The following TMEM50A variants were observed in gnomAD, a reference collection of about 807,000 sequenced individuals.
The protein encoded by TMEM50A is cervical cancer oncogene 9.
In TMEM50A, 8 loss-of-function variants were observed where a neutral mutation model predicts 23.9. The ratio of observed to expected loss-of-function variants is 0.33; its 90% CI spans 0.20 to 0.60. The LOEUF (loss-of-function observed/expected upper bound fraction) is 0.60, where lower values mean the gene tolerates loss of function less well. Ranked by LOEUF, TMEM50A falls within the 20% of genes least tolerant of loss-of-function variation. The pLI is 0.81. For missense variants in TMEM50A, 178 were observed against 192.7 expected, an observed-to-expected ratio of 0.92 and a Z score of 0.45; for synonymous variants, 55 against 60.4, an observed-to-expected ratio of 0.91 and a Z score of 0.41.
At chr1:25,360,043 G>C (rs934345818) in intron 6 of TMEM50A, among the ~76,000 whole-genome samples, 52 of 152,228 alleles carry the variant, frequency 3.4e-4, no homozygotes, top group African/African-American at 1.2e-3. Flanking sequence ...TTTGTTGAAT[G>C]AATTTGATAA....
intron 6 of TMEM50A, among the ~76,000 whole-genome samples, chr1:25,358,428 C>A (rs902338951): frequency 2.0e-5 from 3 of 152,300 alleles, no homozygotes; most frequent in African/African-American, 7.2e-5. Context: ...TATTACAGGA[C>A]CTTTCCTTCC....
Position 25,338,372 on chromosome 1 carries a change from G to C in TMEM50A, c.-98G>C, listed in dbSNP as rs917288092. 3 of 153,082 alleles carry C rather than the reference G, an allele frequency of 2.0e-5. No homozygotes were observed. Among genetic ancestry groups the C allele is most frequent in the South Asian group, 4.1e-4 (2 of 4,846 alleles). 9.5% of individuals were successfully genotyped at this position (153,082 alleles called of 1,614,324 possible). ...GGTGTCTGGAGGCTGTGGCCGTTTT[G>C]TTTTCTTGGCTAAAATCGGGGGAGT... On this transcript the variant is annotated 5_prime_UTR_variant, in exon 1 of 7. Transcript: ENST00000374358.
chr1:25,356,867 G>GGCAGTGAACA lies in TMEM50A; in HGVS notation c.428+14_428+15insGCAGTGAACA. 1 of 1,569,626 alleles carries GGCAGTGAACA rather than the reference G, an allele frequency of 6.4e-7. No individual in the cohort carries two copies. On this transcript the variant is annotated intron_variant, in intron 6 of 6. Transcript: ENST00000374358. ...CATCTTTTTTGGGTAAGTTTGTTTT[G>GGCAGTGAACA]CATTCTTTATGTTTGTTTGTTTTTT... is the stretch of plus-strand genomic sequence containing the variant.
Position 25,351,641 on chromosome 1 carries a change from G to C in TMEM50A, c.222G>C (p.Ser74=). The C allele has an allele frequency of 6.2e-7, 1 of 1,612,618 alleles. No homozygotes were observed. Among genetic ancestry groups the C allele is most frequent in the Non-Finnish European group, 8.5e-7 (1 of 1,179,638 alleles). Residue 74 remains serine (S), a synonymous_variant, in exon 4 of 7, where the codon TCG becomes TCC. Coordinates refer to ENST00000374358, the MANE Select transcript of TMEM50A (RefSeq NM_014313.4). ...TIAFLMINAV[S]NGQVRGDSYS... ...ATTCATACAGGATTAATGCAGTATC[G>C]AATGGACAAGTCCGAGGTGATAGTT...
intron 5 of TMEM50A, among the ~76,000 whole-genome samples, chr1:25,354,709 GTTA>G (rs1451774401): frequency 6.6e-6 from 1 of 152,112 alleles, no homozygotes; most frequent in East Asian, 1.9e-4. Context: ...TATGTTTTTA[GTTA>G]TTATCATAAT....
chr1:25,354,835 G>A (rs530724349), intron 5 of TMEM50A, among the ~76,000 whole-genome samples: 1 of 152,056 alleles, frequency 6.6e-6, no homozygotes, highest in East Asian at 2.0e-4. Flanking sequence ...GCAGTGATGC[G>A]ATCTCAGCTC....
chr1:25,341,457 G>A (rs991831796), intron 2 of TMEM50A, among the ~76,000 whole-genome samples: 8 of 151,954 alleles, frequency 5.3e-5, no homozygotes, highest in African/African-American at 1.7e-4. Flanking sequence ...ACGGGGTTTC[G>A]CCGTGGTCTC....
At chr1:25,351,528 C>T in intron 3 of TMEM50A, 98 bp from the exon 4 acceptor site, 2 of 935,214 alleles carry the variant, frequency 2.1e-6, no homozygotes, top group Non-Finnish European at 1.5e-6. Flanking sequence ...AAAAAAAAGA[C>T]TTTCAGGCCT....
intron 6 of TMEM50A, among the ~76,000 whole-genome samples, chr1:25,359,128 A>G (rs1404052173): frequency 1.3e-5 from 2 of 152,268 alleles, no homozygotes; most frequent in South Asian, 2.1e-4. Flanking sequence ...AGGCATCCCC[A>G]TAGAGCATGC....
At chr1:25,355,934 C>T (rs968037838) in intron 5 of TMEM50A, among the ~76,000 whole-genome samples, 3 of 152,192 alleles carry the variant, frequency 2.0e-5, no homozygotes, top group African/African-American at 7.2e-5. Context: ...TGTCTTCCTC[C>T]CACGCCCCAT....
chr1:25,343,133 A>G (rs1455518379), intron 3 of TMEM50A, 60 bp downstream of exon 3: 1 of 1,308,946 alleles, frequency 7.6e-7, no homozygotes, highest in African/African-American at 1.5e-5. Flanking sequence ...AAATGTTTCA[A>G]ATATAGTTGC....
chr1:25,361,373 G>C lies in TMEM50A; in HGVS notation c.*668G>C, dbSNP rs1483627113. 1.3e-5 allele frequency: 2 copies of C among 152,272 alleles called. No individual in the cohort carries two copies. Among genetic ancestry groups the C allele is most frequent in the Non-Finnish European group, 2.9e-5 (2 of 68,136 alleles). 9.4% of individuals were successfully genotyped at this position (152,272 alleles called of 1,614,324 possible). ...AAGATGTGACTCAGCCATGACACGTGGTTCTGGTGGGATGCACAGTCACTC... is the reference window on the plus strand; with the variant it reads ...AAGATGTGACTCAGCCATGACACGTCGTTCTGGTGGGATGCACAGTCACTC... On this transcript the variant is annotated 3_prime_UTR_variant, in exon 7 of 7. Transcript: ENST00000374358.
At chr1:25,357,701 G>A (rs539858892) in intron 6 of TMEM50A, among the ~76,000 whole-genome samples, 15 of 151,562 alleles carry the variant, frequency 9.9e-5, no homozygotes, top group South Asian at 4.2e-4. Flanking sequence ...GCAGTGGCAC[G>A]ATCTCAGCTC....
At chr1:25,357,648 GT>G (rs1396122615) in intron 6 of TMEM50A, among the ~76,000 whole-genome samples, 1 of 148,780 alleles carries the variant, frequency 6.7e-6, no homozygotes, top group East Asian at 2.0e-4. Context: ...GTGTGTGTGT[GT>G]TGTTTTGAGA....
chr1:25,344,096 A>C (rs796073108), intron 3 of TMEM50A, among the ~76,000 whole-genome samples: 4 of 152,204 alleles, frequency 2.6e-5, no homozygotes, highest in African/African-American at 9.6e-5. Flanking sequence ...AAATACAAAA[A>C]TTGGTAGGGC....
chr1:25,351,236 G>A (rs1308319038), intron 3 of TMEM50A, among the ~76,000 whole-genome samples: 1 of 151,916 alleles, frequency 6.6e-6, no homozygotes, highest in Non-Finnish European at 1.5e-5. Context: ...AAGAACTGAA[G>A]GCTTATGAGC....
At position 25,342,924 on chromosome 1, in the gene TMEM50A, T is replaced by C. The variant is rs540872962; in HGVS notation, c.94-37T>C. 7.9e-5 allele frequency: 123 copies of C among 1,554,948 alleles called. No homozygotes were observed. The South Asian group carries it at 1.3e-3, about 17-fold the overall frequency. On this transcript the variant is annotated intron_variant, in intron 2 of 6. Coordinates refer to ENST00000374358, the MANE Select transcript of TMEM50A (RefSeq NM_014313.4). ...TGCTTTTAGCCAGTGAGATACAGAA[T>C]TGCTATGATTTCTCATTGGTATCAC...
intron 5 of TMEM50A, among the ~76,000 whole-genome samples, chr1:25,353,894 A>T (rs1052790465): frequency 6.6e-6 from 1 of 152,252 alleles, no homozygotes; most frequent in Non-Finnish European, 1.5e-5. Context: ...TAACTTGTAG[A>T]TTAAAATAAT....
At chr1:25,347,591 A>C (rs74331418) in intron 3 of TMEM50A, among the ~76,000 whole-genome samples, 17 of 152,182 alleles carry the variant, frequency 1.1e-4, no homozygotes, top group Non-Finnish European at 1.8e-4. Context: ...GCTTCCAGGT[A>C]ATCCAAGTTG....
Sources: allele counts gnomAD v4.1 joint callset (sites outside exome capture counted in the v4.1 genomes callset), GRCh38; gene constraint gnomAD v4.1.1; transcripts MANE v1.5; gene names NCBI Gene and HGNC (gene_info 2026-07-23, HGNC 2026-07-21).